Variants in VPS41 observed in about 807,000 individuals in gnomAD.
VPS41 encodes VPS41 subunit of HOPS complex.
Under a neutral mutation model 130.9 loss-of-function variants are expected in VPS41, and 85 were observed. The observed-to-expected ratio is 0.65, with a 90% CI of 0.55 to 0.78. The LOEUF (loss-of-function observed/expected upper bound fraction) is 0.78, where lower values mean the gene tolerates loss of function less well. VPS41 is among the 30% of genes least tolerant of loss of function. VPS41 has a pLI of 0.00. For synonymous variants in VPS41, 335 were observed against 332.9 expected (o/e 1.01, Z -0.07); for missense variants, 874 against 1,018.7 (o/e 0.86, Z 1.93).
At chr7:38,830,439 T>A in intron 4 of VPS41, 111 bp from the exon 5 acceptor site, 1 of 773,750 alleles carries the variant, frequency 1.3e-6, no homozygotes, top group Non-Finnish European at 2.3e-6. Context: ...TCTTAAATAA[T>A]GACAGTTTCC....
intron 2 of VPS41, among the ~76,000 whole-genome samples, chr7:38,884,813 T>C (rs1786688011): frequency 6.6e-6 from 1 of 152,212 alleles, no homozygotes; most frequent in South Asian, 2.1e-4. Context: ...GGAACCCTCA[T>C]CTGGTACAAA....
chr7:38,837,517 G>A (rs1040556935), intron 4 of VPS41, among the ~76,000 whole-genome samples: 2 of 152,186 alleles, frequency 1.3e-5, no homozygotes, highest in African/African-American at 4.8e-5. Flanking sequence ...TCCTTTGGCT[G>A]ATTTTTGACC....
chr7:38,809,357 T>A (rs955082165), intron 7 of VPS41, among the ~76,000 whole-genome samples: 2 of 147,246 alleles, frequency 1.4e-5, no homozygotes, highest in Non-Finnish European at 3.0e-5. Flanking sequence ...ATATTTTATA[T>A]ATATATATAA....
intron 15 of VPS41, among the ~76,000 whole-genome samples, chr7:38,766,875 T>C (rs1784055650): frequency 6.6e-6 from 1 of 152,214 alleles, no homozygotes; most frequent in African/African-American, 2.4e-5. Flanking sequence ...TGCTGAACTG[T>C]GAGTCAACTA....
intron 18 of VPS41, among the ~76,000 whole-genome samples, chr7:38,757,568 T>A (rs1783824152): frequency 6.6e-6 from 1 of 152,014 alleles, no homozygotes; most frequent in African/African-American, 2.4e-5. Flanking sequence ...CAAGAGAAAA[T>A]GATTAGCATT....
At chr7:38,798,905 T>C (rs759793260) in intron 7 of VPS41, among the ~76,000 whole-genome samples, 1 of 152,068 alleles carries the variant, frequency 6.6e-6, no homozygotes, top group Non-Finnish European at 1.5e-5. Context: ...ATGCTAATAA[T>C]AAGACTCCAG....
intron 16 of VPS41, among the ~76,000 whole-genome samples, chr7:38,763,929 C>G (rs1395005528): frequency 6.6e-6 from 1 of 152,092 alleles, no homozygotes. Context: ...TGGAGTTTAC[C>G]AACCTTCACC....
At chr7:38,860,962 A>C (rs1449664853) in intron 4 of VPS41, among the ~76,000 whole-genome samples, 1 of 152,166 alleles carries the variant, frequency 6.6e-6, no homozygotes, top group Non-Finnish European at 1.5e-5. Context: ...TGCCAAAAAA[A>C]GGTGCAAAGC....
rs1795495602 is a variant in VPS41 at position 38,724,397 on chromosome 7, G to A, written c.*1849C>T. 6.6e-6 allele frequency: 1 copy of A among 152,186 alleles called. No homozygotes were observed. Among genetic ancestry groups the A allele is most frequent in the Non-Finnish European group, 1.5e-5 (1 of 68,022 alleles). The allele number at this position is 152,186 out of a possible 1,614,324, so 9.4% of individuals were successfully genotyped here. On this transcript the variant is annotated 3_prime_UTR_variant, in exon 29 of 29. Coordinates refer to ENST00000310301, the MANE Select transcript of VPS41 (RefSeq NM_014396.4). ...AAAACTGAAAACTAGCAGTGTAGCA[G>A]AAAGCACACTAGTCTTGGGATAAGG...
At position 38,776,651 on chromosome 7, in the gene VPS41, C is replaced by T. The variant is rs765358143; in HGVS notation, c.882+28G>A. ...AATGCTAAAAGTGAACCCCCACATG[C>T]CTTTGTATCTGGGGAGAAAATAATT... On this transcript the variant is annotated intron_variant, in intron 11 of 28. Transcript: ENST00000310301. 2.3e-6 allele frequency: 3 copies of T among 1,323,106 alleles called. No individual in the cohort carries two copies. The East Asian group carries it at 6.9e-5, about 31-fold the overall frequency. 82.0% of individuals were successfully genotyped at this position (1,323,106 alleles called of 1,614,324 possible).
intron 4 of VPS41, among the ~76,000 whole-genome samples, chr7:38,846,636 T>C (rs563483142): frequency 1.3e-5 from 2 of 152,244 alleles, no homozygotes; most frequent in East Asian, 1.9e-4. Flanking sequence ...AACAAAATCC[T>C]AGCACTGCTT....
At chr7:38,800,875 TAAAG>T (rs1226510122) in intron 7 of VPS41, among the ~76,000 whole-genome samples, 1 of 152,178 alleles carries the variant, frequency 6.6e-6, no homozygotes, top group African/African-American at 2.4e-5. Context: ...CACTGGAACT[TAAAG>T]AAGTAATGTT....
intron 4 of VPS41, among the ~76,000 whole-genome samples, chr7:38,858,777 T>C (rs1786039649): frequency 6.6e-6 from 1 of 152,220 alleles, no homozygotes; most frequent in African/African-American, 2.4e-5. Flanking sequence ...AATTATGTAC[T>C]ACATAATACG....
intron 19 of VPS41, among the ~76,000 whole-genome samples, chr7:38,756,213 TAC>T (rs3839727): frequency 0.093 from 13,607 of 146,502 alleles, 685 homozygotes; most frequent in African/African-American, 0.12. Context: ...AGATTTCTTT[TAC>T]ACACACACAC....
In VPS41 at chr7:38,723,311, C is replaced by T. The variant is rs1425544978; in HGVS notation, c.*2935G>A. 1.3e-5 allele frequency: 2 copies of T among 152,156 alleles called. No homozygotes were observed. The highest frequency in any genetic ancestry group is 4.8e-5 in the African/African-American group (2 of 41,416). 9.4% of individuals were successfully genotyped at this position (152,156 alleles called of 1,614,324 possible). On this transcript the variant is annotated 3_prime_UTR_variant, in exon 29 of 29. Coordinates refer to ENST00000310301, the MANE Select transcript of VPS41 (RefSeq NM_014396.4). The stretch of plus-strand genomic sequence containing the variant: ...AAATGAACTACAAATCTGTTGGAAA[C>T]TTCTCAAAAATTCTCAAGGATGAAC...
intron 7 of VPS41, among the ~76,000 whole-genome samples, chr7:38,810,878 C>T (rs1462847085): frequency 6.6e-6 from 1 of 152,094 alleles, no homozygotes; most frequent in Admixed American, 6.5e-5. Flanking sequence ...TAACCATTTG[C>T]TAAATGTTGG....
intron 25 of VPS41, among the ~76,000 whole-genome samples, chr7:38,729,931 T>A (rs189372446): frequency 8.5e-5 from 13 of 152,294 alleles, no homozygotes; most frequent in Admixed American, 2.6e-4. Context: ...TATTATTATT[T>A]TTTTTTAACC....
chr7:38,790,556 A>T (rs1329857589), intron 9 of VPS41, among the ~76,000 whole-genome samples: 2 of 152,186 alleles, frequency 1.3e-5, no homozygotes, highest in African/African-American at 4.8e-5. Flanking sequence ...CTGTACACCA[A>T]CTACTTCATT....
At chr7:38,802,260 C>T (rs1056420158) in intron 7 of VPS41, among the ~76,000 whole-genome samples, 33 of 152,168 alleles carry the variant, frequency 2.2e-4, no homozygotes, top group African/African-American at 8.0e-4. Context: ...GCAGAAGGCT[C>T]TCTGGATTGC....
Sources: allele counts gnomAD v4.1 joint callset (sites outside exome capture counted in the v4.1 genomes callset), GRCh38; gene constraint gnomAD v4.1.1; transcripts MANE v1.5; gene names NCBI Gene and HGNC (gene_info 2026-07-23, HGNC 2026-07-21).